The following XPO4 variants were observed in gnomAD, a reference collection of about 807,000 sequenced individuals.
The protein encoded by XPO4 is exportin 4, also known as exportin-4.
In XPO4, 39 loss-of-function variants were observed where a neutral mutation model predicts 143.0. The ratio of observed to expected loss-of-function variants is 0.27; its 90% CI spans 0.21 to 0.36. The LOEUF is 0.36. Ranked by LOEUF, XPO4 falls within the 10% of genes least tolerant of loss-of-function variation. The probability of loss-of-function intolerance (pLI) is 1.00; values close to 1 mark genes in which losing one functional copy is unlikely to be tolerated. For missense variants in XPO4, 907 were observed against 1,348.0 expected, an observed-to-expected ratio of 0.67 and a Z score of 5.12; for synonymous variants, 439 against 474.0, an observed-to-expected ratio of 0.93 and a Z score of 0.96.
chr13:20,809,342 A>T, intron 10 of XPO4, 117 bp from the exon 11 acceptor site: 1 of 1,282,480 alleles, frequency 7.8e-7, no homozygotes, highest in East Asian at 2.5e-5. Flanking sequence ...AGGAGAGGGG[A>T]CACAGCCGAC....
At chr13:20,896,797 G>A (rs1013871388) in intron 1 of XPO4, among the ~76,000 whole-genome samples, 1 of 152,212 alleles carries the variant, frequency 6.6e-6, no homozygotes, top group Admixed American at 6.5e-5. Context: ...TACTTCTGAG[G>A]ATATCATCAT....
intron 1 of XPO4, among the ~76,000 whole-genome samples, chr13:20,870,690 A>C (rs888668741): frequency 2.0e-5 from 3 of 151,696 alleles, no homozygotes; most frequent in African/African-American, 7.3e-5. Flanking sequence ...AGATCGCGCC[A>C]CTGCACTAGA....
At chr13:20,795,922 C>T (rs1268457306) in intron 18 of XPO4, among the ~76,000 whole-genome samples, 154 bp downstream of exon 18, 3 of 152,198 alleles carry the variant, frequency 2.0e-5, no homozygotes, top group Non-Finnish European at 4.4e-5. Context: ...AGGAGGGCCA[C>T]TGGTCCTCAC....
intron 4 of XPO4, chr13:20,851,472 G>A (rs931908071): frequency 2.1e-6 from 2 of 971,298 alleles, no homozygotes; most frequent in Non-Finnish European, 2.4e-6. Flanking sequence ...TCTTTGGGAG[G>A]CCAAGGTGGG....
chr13:20,892,501 T>C (rs2060527739), intron 1 of XPO4, among the ~76,000 whole-genome samples: 2 of 152,302 alleles, frequency 1.3e-5, no homozygotes, highest in South Asian at 2.1e-4. Context: ...CGTTTATTCA[T>C]CCTTTTTCAT....
At chr13:20,802,416 AT>A (rs761673277) in intron 13 of XPO4, among the ~76,000 whole-genome samples, 2 of 152,146 alleles carry the variant, frequency 1.3e-5, no homozygotes, top group South Asian at 4.1e-4. Context: ...TTTTAAAAAA[AT>A]TTTTTAGGGG....
chr13:20,787,116 C>T, intron 21 of XPO4, 59 bp from the exon 22 acceptor site: 1 of 1,342,896 alleles, frequency 7.4e-7, no homozygotes, highest in Non-Finnish European at 1.0e-6. Flanking sequence ...CCTCCAGTCC[C>T]TCCCCAGTCC....
At chr13:20,873,811 C>A (rs34283905) in intron 1 of XPO4, among the ~76,000 whole-genome samples, 1 of 152,046 alleles carries the variant, frequency 6.6e-6, no homozygotes, top group Non-Finnish European at 1.5e-5. Context: ...TCTACAGGAC[C>A]TTTAGATTCT....
At chr13:20,868,086 C>T (rs935651557) in intron 2 of XPO4, among the ~76,000 whole-genome samples, 3 of 151,496 alleles carry the variant, frequency 2.0e-5, no homozygotes, top group South Asian at 2.1e-4. Context: ...AAAATCAGTG[C>T]TTTATTTTAG....
At chr13:20,823,647 C>A (rs967741553) in intron 7 of XPO4, among the ~76,000 whole-genome samples, 17 of 151,230 alleles carry the variant, frequency 1.1e-4, no homozygotes, top group African/African-American at 3.6e-4. Flanking sequence ...GGAAATTACA[C>A]AGAATTCTTT....
intron 6 of XPO4, among the ~76,000 whole-genome samples, chr13:20,839,580 T>C (rs1421438916): frequency 1.3e-5 from 2 of 152,218 alleles, no homozygotes; most frequent in African/African-American, 2.4e-5. Flanking sequence ...CTCATGCCTG[T>C]AATGCCAGCA....
intron 1 of XPO4, among the ~76,000 whole-genome samples, chr13:20,888,951 T>G (rs2060486692): frequency 6.6e-6 from 1 of 152,038 alleles, no homozygotes; most frequent in South Asian, 2.1e-4. Flanking sequence ...CACAGGCGTG[T>G]GCCACCATGC....
intron 1 of XPO4, among the ~76,000 whole-genome samples, chr13:20,893,350 C>T (rs1292125536): frequency 6.6e-6 from 1 of 152,130 alleles, no homozygotes; most frequent in African/African-American, 2.4e-5. Context: ...CAGAAACAGT[C>T]TTATGGCTCG....
At chr13:20,802,042 C>T (rs1361970541) in intron 13 of XPO4, among the ~76,000 whole-genome samples, 1 of 152,028 alleles carries the variant, frequency 6.6e-6, no homozygotes, top group Non-Finnish European at 1.5e-5. Flanking sequence ...TTTAAGGTTC[C>T]ACCCCAGAAT....
intron 4 of XPO4, chr13:20,852,739 A>G (rs185346943): frequency 1.0e-6 from 1 of 982,198 alleles, no homozygotes; most frequent in East Asian, 1.1e-4. Context: ...CATATATTAA[A>G]AAAGACTAGA....
At chr13:20,882,109 C>CAAAAAAAA (rs35404161) in intron 1 of XPO4, among the ~76,000 whole-genome samples, 85 of 93,312 alleles carry the variant, frequency 9.1e-4, no homozygotes, top group African/African-American at 3.8e-3. Context: ...GACTCGGTCT[C>CAAAAAAAA]AAAAAAAAAA....
chr13:20,851,406 A>G (rs2060084639), intron 4 of XPO4: 1 of 985,254 alleles, frequency 1.0e-6, no homozygotes, highest in African/African-American at 1.7e-5. Context: ...AGTAGTTCTC[A>G]GCCCTGGTAT....
At chr13:20,834,814 A>G (rs780025146) in intron 6 of XPO4, among the ~76,000 whole-genome samples, 23 of 152,092 alleles carry the variant, frequency 1.5e-4, no homozygotes, top group Non-Finnish European at 3.2e-4. Context: ...TTTAAAAATT[A>G]GCCAGGTGTG....
chr13:20,785,901 A>AGGAGGGAG (rs1555329589), intron 22 of XPO4, among the ~76,000 whole-genome samples: 8 of 126,476 alleles, frequency 6.3e-5, no homozygotes, highest in South Asian at 2.7e-4. Flanking sequence ...AGAAAGAAAG[A>AGGAGGGAG]GGAGGGAGGA....
Sources: allele counts gnomAD v4.1 joint callset (sites outside exome capture counted in the v4.1 genomes callset), GRCh38; gene constraint gnomAD v4.1.1; transcripts MANE v1.5; gene names NCBI Gene and HGNC (gene_info 2026-07-23, HGNC 2026-07-21).